PPP1R12B: variants seen among roughly 807,000 people sequenced by gnomAD.
The protein encoded by PPP1R12B is protein phosphatase 1 regulatory subunit 12B.
Under a neutral mutation model 126.1 loss-of-function variants are expected in PPP1R12B, and 76 were observed. The observed-to-expected ratio is 0.60, with a 90% confidence interval of 0.50 to 0.73. The LOEUF (loss-of-function observed/expected upper bound fraction) is 0.73. Ranked by LOEUF, PPP1R12B falls within the 30% of genes least tolerant of loss-of-function variation. The pLI, the probability that PPP1R12B is intolerant of heterozygous loss-of-function variation, is 0.00. For missense variants in PPP1R12B, 1,052 were observed against 1,205.1 expected, an observed-to-expected ratio of 0.87 and a Z score of 1.88; for synonymous variants, 356 against 434.7, an observed-to-expected ratio of 0.82 and a Z score of 2.25.
intron 18 of PPP1R12B, among the ~76,000 whole-genome samples, chr1:202,514,560 G>T (rs1681894074): frequency 6.6e-6 from 1 of 152,212 alleles, no homozygotes; most frequent in East Asian, 1.9e-4. Flanking sequence ...ATAGTTTGGG[G>T]TTTATATTTA....
At chr1:202,452,854 A>G (rs892181456) in intron 13 of PPP1R12B, among the ~76,000 whole-genome samples, 7 of 144,464 alleles carry the variant, frequency 4.8e-5, no homozygotes, top group African/African-American at 1.8e-4. Context: ...TTAAATAGAG[A>G]TGGGGTCTCA....
Position 202,371,522 on chromosome 1 carries a change from A to G in PPP1R12B, c.291+22380A>G, listed in dbSNP as rs546816275. On this transcript the variant is annotated intron_variant, in intron 1 of 23. Transcript: ENST00000608999. ...TGTGTCTGATTTCAGTCTTTTGTAC[A>G]TTAAATTTGCTTTTTGTTTTTTATT... Among the ~76,000 whole-genome samples, 5 of 151,864 alleles carry G rather than the reference A, an allele frequency of 3.3e-5. No individual in the cohort carries two copies. The East Asian group carries it at 7.7e-4, about 23-fold the overall frequency.
intron 1 of PPP1R12B, among the ~76,000 whole-genome samples, chr1:202,377,050 T>C (rs1661280484): frequency 6.6e-6 from 1 of 152,204 alleles, no homozygotes; most frequent in African/African-American, 2.4e-5. Context: ...ATTCTTCCAA[T>C]GTGGCCCAAG....
intron 18 of PPP1R12B, among the ~76,000 whole-genome samples, chr1:202,537,591 A>G (rs1684679621): frequency 6.6e-6 from 1 of 152,228 alleles, no homozygotes; most frequent in Admixed American, 6.5e-5. Context: ...CTAGAAGTGG[A>G]CATAAGATAG....
intron 18 of PPP1R12B, among the ~76,000 whole-genome samples, chr1:202,504,040 T>C (rs1320928623): frequency 6.6e-6 from 1 of 152,182 alleles, no homozygotes; most frequent in Non-Finnish European, 1.5e-5. Flanking sequence ...TTGGTCTCCT[T>C]TGCCAAATTT....
At chr1:202,405,860 A>C (rs1666531903) in intron 1 of PPP1R12B, among the ~76,000 whole-genome samples, 2 of 152,228 alleles carry the variant, frequency 1.3e-5, no homozygotes, top group Admixed American at 6.5e-5. Context: ...TTATGGACTA[A>C]TAATATATTA....
intron 13 of PPP1R12B, among the ~76,000 whole-genome samples, chr1:202,461,194 A>T (rs550815111): frequency 2.5e-4 from 34 of 137,830 alleles, no homozygotes; most frequent in African/African-American, 8.5e-4. Flanking sequence ...CCATCTCTTT[A>T]AAAAAAAAAA....
chr1:202,396,173 A>T (rs978546274), intron 1 of PPP1R12B, among the ~76,000 whole-genome samples: 22 of 152,194 alleles, frequency 1.4e-4, no homozygotes, highest in African/African-American at 5.3e-4. Flanking sequence ...AAGTGCTTTA[A>T]CATGAGACTT....
At chr1:202,351,539 G>A (rs1229576639) in intron 1 of PPP1R12B, among the ~76,000 whole-genome samples, 1 of 152,238 alleles carries the variant, frequency 6.6e-6, no homozygotes, top group African/African-American at 2.4e-5. Context: ...GCGCATGGCC[G>A]ACCTGGAGAA....
At chr1:202,572,937 T>A (rs1688745446) in intron 23 of PPP1R12B, among the ~76,000 whole-genome samples, 1 of 152,210 alleles carries the variant, frequency 6.6e-6, no homozygotes, top group African/African-American at 2.4e-5. Context: ...CCTGCCTCTC[T>A]CCCTCATGCT....
intron 19 of PPP1R12B, among the ~76,000 whole-genome samples, chr1:202,561,594 T>TTATGC (rs1329220188): frequency 2.6e-5 from 4 of 152,222 alleles, no homozygotes; most frequent in Admixed American, 6.5e-5. Context: ...TTAGGCAGGA[T>TTATGC]TATGGGGTGA....
chr1:202,573,770 C>T (rs1467197933), intron 23 of PPP1R12B, among the ~76,000 whole-genome samples: 1 of 152,122 alleles, frequency 6.6e-6, no homozygotes, highest in East Asian at 1.9e-4. Context: ...TTCTGTTCCG[C>T]TTGCAACACT....
chr1:202,397,416 T>C lies in PPP1R12B; in HGVS notation c.292-19371T>C, dbSNP rs371513277. ...CCTACATGGTTTTTAAATGCTAGAATTTCTCATAGCTTTGTGGTAGGTTGT... is the reference window on the plus strand; with the variant it reads ...CCTACATGGTTTTTAAATGCTAGAACTTCTCATAGCTTTGTGGTAGGTTGT... On this transcript the variant is annotated intron_variant, in intron 1 of 23. Transcript: ENST00000608999. 2.6e-5 allele frequency among the ~76,000 whole-genome samples: 4 copies of C among 152,346 alleles called. No homozygotes were observed. The East Asian group carries it at 7.7e-4, about 29-fold the overall frequency.
chr1:202,562,876 C>T lies in PPP1R12B; in HGVS notation c.2606C>T (p.Thr869Ile). ...GAGGCCCGGGAGGCCCGCCTAGCCA[C>T]CCTGACCAGCCGTGTAGAAGAAGAC... is the stretch of plus-strand genomic sequence containing the variant. ...RREAREARLA[T>I]LTSRVEEDSN... Residue 869 changes from threonine to isoleucine, a missense_variant, in exon 20 of 24, where the codon ACC (threonine) becomes ATC (isoleucine). Transcript: ENST00000608999. 5 of 1,610,092 alleles carry T rather than the reference C, an allele frequency of 3.1e-6. No individual in the cohort carries two copies. The highest frequency in any genetic ancestry group is 4.2e-6 in the Non-Finnish European group (5 of 1,178,878).
At chr1:202,441,083 A>T (rs112174581) in intron 11 of PPP1R12B, among the ~76,000 whole-genome samples, 93 of 152,288 alleles carry the variant, frequency 6.1e-4, no homozygotes, top group African/African-American at 2.0e-3. Flanking sequence ...GTAGGGTCTG[A>T]GTCTGTCTGG....
chr1:202,424,612 C>T (rs1669261540), intron 3 of PPP1R12B, among the ~76,000 whole-genome samples: 2 of 151,988 alleles, frequency 1.3e-5, no homozygotes, highest in African/African-American at 4.8e-5. Context: ...CATGAGACAC[C>T]GCACCCAGCA....
intron 4 of PPP1R12B, 25 bp downstream of exon 4, chr1:202,425,750 G>T: frequency 6.3e-7 from 1 of 1,592,240 alleles, no homozygotes; most frequent in African/African-American, 1.3e-5. Context: ...CATCAATCAG[G>T]AGTGGTTCAC....
chr1:202,434,512 TTG>T (rs1670559645), intron 8 of PPP1R12B, 142 bp from the exon 9 acceptor site: 8 of 1,058,242 alleles, frequency 7.6e-6, no homozygotes, highest in Non-Finnish European at 8.9e-6. Flanking sequence ...AGTTTACAAG[TTG>T]TTAGTTTATA....
intron 18 of PPP1R12B, among the ~76,000 whole-genome samples, chr1:202,531,986 C>T (rs76715060): frequency 0.019 from 2,856 of 152,318 alleles, 47 homozygotes; most frequent in Non-Finnish European, 0.029. Context: ...AAAAGAATGA[C>T]TCCATAGACA....
Sources: gnomAD v4.1 joint callset for allele counts (sites outside exome capture counted in the v4.1 genomes callset) on GRCh38, gnomAD v4.1.1 for gene constraint, MANE v1.5 for transcripts, NCBI Gene and HGNC (gene_info 2026-07-23, HGNC 2026-07-21) for gene names.